The following AFF4 variants were observed in gnomAD, a reference collection of about 807,000 sequenced individuals.
The protein encoded by AFF4 is ALF transcription elongation factor 4, also known as AF4/FMR2 family member 4.
Under a neutral mutation model 124.8 loss-of-function variants are expected in AFF4, and 13 were observed. The ratio of observed to expected loss-of-function variants is 0.10; its 90% CI spans 0.07 to 0.17. The LOEUF (loss-of-function observed/expected upper bound fraction) is 0.17, where lower values mean the gene tolerates loss of function less well. AFF4 is among the 10% of genes least tolerant of loss of function. AFF4 has a pLI of 1.00. For missense variants in AFF4, 1,092 were observed against 1,403.8 expected (o/e 0.78, Z 3.55); for synonymous variants, 477 against 496.1 (o/e 0.96, Z 0.51).
rs1028645508 is a variant in AFF4, at chr5:132,878,713, A to C, written c.*2346T>G. On this transcript the variant is annotated 3_prime_UTR_variant, in exon 21 of 21. Transcript: ENST00000265343. ...AAATTCATTCTCCAAAAATTGACACAGTTTTAAAGAGAAAATATTAGAGCA... is the reference window on the plus strand; with the variant it reads ...AAATTCATTCTCCAAAAATTGACACCGTTTTAAAGAGAAAATATTAGAGCA... 4.4e-6 allele frequency: 1 copy of C among 225,730 alleles called. No individual in the cohort carries two copies. Among genetic ancestry groups the C allele is most frequent in the South Asian group, 1.8e-4 (1 of 5,478 alleles). The allele number at this position is 225,730 out of a possible 1,614,324, so 14.0% of individuals were successfully genotyped here. A position where few individuals can be genotyped will look rare whatever the true frequency, so the allele number is the denominator to read the frequency against.
At chr5:132,902,347 C>T in intron 7 of AFF4, 95 bp downstream of exon 7, 3 of 1,067,158 alleles carry the variant, frequency 2.8e-6, no homozygotes, top group Non-Finnish European at 4.3e-6. Flanking sequence ...CCTGCCCAGC[C>T]TCAATATTTC....
intron 5 of AFF4, among the ~76,000 whole-genome samples, chr5:132,909,826 C>T (rs1309271345): frequency 2.0e-5 from 3 of 152,084 alleles, no homozygotes; most frequent in African/African-American, 7.2e-5. Flanking sequence ...GTCCTGGGTT[C>T]CTTTTTGTAA....
At chr5:132,927,008 A>ACTGT (rs1438169622) in intron 5 of AFF4, 113 bp downstream of exon 5, 1 of 780,316 alleles carries the variant, frequency 1.3e-6, no homozygotes, top group Admixed American at 2.8e-5. Flanking sequence ...TCACTTATTT[A>ACTGT]CTGTCTGTCT....
At chr5:132,942,684 A>AG (rs1178230885) in intron 1 of AFF4, among the ~76,000 whole-genome samples, 3 of 152,114 alleles carry the variant, frequency 2.0e-5, no homozygotes, top group Non-Finnish European at 2.9e-5. Flanking sequence ...GGCTAGTCTC[A>AG]AACTCCCGAC....
intron 4 of AFF4, among the ~76,000 whole-genome samples, chr5:132,930,743 A>C (rs1191732830): frequency 2.0e-5 from 3 of 152,096 alleles, no homozygotes; most frequent in Non-Finnish European, 4.4e-5. Flanking sequence ...AATTCACTGG[A>C]CTTTCTCTTT....
chr5:132,890,773 G>A (rs1313221379), intron 13 of AFF4, among the ~76,000 whole-genome samples: 1 of 152,024 alleles, frequency 6.6e-6, no homozygotes, highest in Non-Finnish European at 1.5e-5. Flanking sequence ...GAAAACAACA[G>A]AGTACCAAAT....
chr5:132,917,765 T>A (rs1223530933), intron 5 of AFF4, among the ~76,000 whole-genome samples: 1 of 129,192 alleles, frequency 7.7e-6, no homozygotes, highest in African/African-American at 2.9e-5. Context: ...CAGGCTGGAG[T>A]GCAATGGCGC....
rs373958581 is a variant in AFF4 at position 132,896,502 on chromosome 5, C to T, written c.2128G>A (p.Asp710Asn). The change falls in exon 11 of 21, where the codon GAC (aspartate) becomes AAC (asparagine). Residue 710 changes from aspartate (D) to asparagine (N), a missense_variant. Physicochemically the swap from Asp to Asn is conservative, Grantham distance 23 (BLOSUM62 1). This residue lies in a region of AFF4 where 293 missense variants were observed against 280.2 expected (regional missense o/e 1.05). Coordinates refer to ENST00000265343, the MANE Select transcript of AFF4 (RefSeq NM_014423.4). ...ATCTTCACAATAAGTGGGTACCTGT[C>T]ATCAGGCTCACTGAGGGGTGAAAGA... ...ELLSPLSEPDDRYPLIVKIDL... is the reference protein window; with the variant it reads ...ELLSPLSEPDNRYPLIVKIDL... The T allele has an allele frequency of 4.3e-6, 7 of 1,614,066 alleles. No homozygotes were observed. The highest frequency in any genetic ancestry group is 5.9e-6 in the Non-Finnish European group (7 of 1,180,040).
chr5:132,959,757 CTTTTTTTTTTTTTTTT>C, intron 1 of AFF4, among the ~76,000 whole-genome samples: 1 of 71,506 alleles, frequency 1.4e-5, no homozygotes, highest in African/African-American at 5.7e-5. Context: ...GAGTGCTTTT[CTTTTTTTTTTTTTTTT>C]TTTTTTTTTG....
rs143683207 is a variant in AFF4, at chr5:132,904,519, T to C, written c.1051-115A>G. 3.8e-3 allele frequency: 3,473 copies of C among 903,000 alleles called. 87 individuals carry two copies. The highest frequency in any genetic ancestry group is 5.7e-4 in the Non-Finnish European group (338 of 591,110). 55.9% of individuals were successfully genotyped at this position (903,000 alleles called of 1,614,324 possible). ...TACTTGAAAAAGCACAGAAAGAATG[T>C]AATGATCCTGTCTGATCAGCCTTGG... On this transcript the variant is annotated intron_variant, in intron 5 of 20. Transcript: ENST00000265343.
chr5:132,922,228 A>G (rs1370831621), intron 5 of AFF4, among the ~76,000 whole-genome samples: 2 of 152,204 alleles, frequency 1.3e-5, no homozygotes, highest in East Asian at 3.9e-4. Context: ...GAGCAGCCTG[A>G]GCAATGTGGC....
At chr5:132,939,632 C>A (rs534105979) in intron 1 of AFF4, among the ~76,000 whole-genome samples, 3 of 152,032 alleles carry the variant, frequency 2.0e-5, no homozygotes, top group Non-Finnish European at 2.9e-5. Context: ...TTTTTTGAGA[C>A]GAAGTCTCGC....
At chr5:132,935,011 A>G (rs908248976) in intron 2 of AFF4, 70 bp from the exon 3 acceptor site, 180 of 1,292,966 alleles carry the variant, frequency 1.4e-4, no homozygotes, top group Non-Finnish European at 1.7e-4. Context: ...ATTCTGAACT[A>G]ATTTTCCAAA....
intron 7 of AFF4, among the ~76,000 whole-genome samples, 179 bp from the exon 8 acceptor site, chr5:132,899,820 A>C (rs1581281711): frequency 6.6e-6 from 1 of 152,362 alleles, no homozygotes; most frequent in East Asian, 1.9e-4. Context: ...AAAATTGAGA[A>C]TGGAGGAATT....
intron 5 of AFF4, among the ~76,000 whole-genome samples, chr5:132,925,003 T>G (rs759654326): frequency 1.3e-5 from 2 of 151,736 alleles, no homozygotes; most frequent in Non-Finnish European, 2.9e-5. Flanking sequence ...GGTGAAACCC[T>G]GTCTCTACTA....
chr5:132,960,241 T>C (rs1762053454), intron 1 of AFF4, among the ~76,000 whole-genome samples: 1 of 152,054 alleles, frequency 6.6e-6, no homozygotes, highest in Admixed American at 6.6e-5. Flanking sequence ...TAAAACATAA[T>C]AAGGATGCAG....
intron 5 of AFF4, among the ~76,000 whole-genome samples, chr5:132,916,950 C>T (rs1206578135): frequency 1.3e-5 from 2 of 151,510 alleles, no homozygotes; most frequent in Non-Finnish European, 2.9e-5. Context: ...GATAGAGTTT[C>T]GCTCTTGTTG....
Position 132,892,238 on chromosome 5 carries a change from T to G in AFF4, c.2563A>C (p.Ser855Arg). Residue 855 changes from serine to arginine, a missense_variant, in exon 13 of 21, where the codon AGC becomes CGC. Ser to Arg is a moderately radical substitution (Grantham distance 110). Around this residue, in one of 11 missense-constraint regions of AFF4, gnomAD observed 293 missense variants for 280.2 expected, o/e 1.05. Transcript: ENST00000265343. ...SNSNKETSGSSKNSSSTSKQK... is the reference protein window; with the variant it reads ...SNSNKETSGSRKNSSSTSKQK... ...TTTGATGTGGAGGAACTGTTTTTGC[T>G]GCTGCCACTCGTCTCCTTGTTGCTG... 6.2e-7 allele frequency: 1 copy of G among 1,614,162 alleles called. No homozygotes were observed. The highest frequency in any genetic ancestry group is 8.5e-7 in the Non-Finnish European group (1 of 1,180,030).
chr5:132,922,712 G>A (rs1164884090), intron 5 of AFF4, among the ~76,000 whole-genome samples: 1 of 149,880 alleles, frequency 6.7e-6, no homozygotes, highest in Non-Finnish European at 1.5e-5. Context: ...ACCAGGAGGT[G>A]GAGGTTGCAA....
Sources: allele counts gnomAD v4.1 joint callset (sites outside exome capture counted in the v4.1 genomes callset), GRCh38; gene constraint gnomAD v4.1.1; regional missense constraint gnomAD v4.1.1; transcripts MANE v1.5; gene names NCBI Gene and HGNC (gene_info 2026-07-23, HGNC 2026-07-21).